TMEM117: variants seen among roughly 807,000 people sequenced by gnomAD.
The protein encoded by TMEM117 is transmembrane protein 117.
In TMEM117, 27 loss-of-function variants were observed where a neutral mutation model predicts 52.4. That is an observed-to-expected ratio of 0.51 (90% confidence interval 0.38 to 0.71). TMEM117 has a LOEUF of 0.71. TMEM117 is among the 30% of genes least tolerant of loss of function. The probability of loss-of-function intolerance (pLI) is 0.00; values close to 1 mark genes in which losing one functional copy is unlikely to be tolerated. For synonymous variants in TMEM117, 215 were observed against 206.3 expected, an observed-to-expected ratio of 1.04 and a Z score of -0.36; for missense variants, 556 against 630.5, an observed-to-expected ratio of 0.88 and a Z score of 1.26.
chr12:43,897,292 A>G (rs979693875), intron 2 of TMEM117, among the ~76,000 whole-genome samples: 1 of 143,750 alleles, frequency 7.0e-6, no homozygotes, highest in African/African-American at 2.6e-5. Context: ...TTCCATCTAT[A>G]CTTTCCTTTT....
At chr12:43,820,883 C>T in the TMEM117 span, among the ~76,000 whole-genome samples, 1 of 151,774 alleles carries the variant, frequency 6.6e-6, no homozygotes, top group East Asian at 2.0e-4. Context: ...AGGCGGATCA[C>T]GAGGTCAGGA....
At chr12:44,165,003 C>T (rs773285882) in intron 4 of TMEM117, among the ~76,000 whole-genome samples, 1 of 151,998 alleles carries the variant, frequency 6.6e-6, no homozygotes, top group Non-Finnish European at 1.5e-5. Flanking sequence ...TTCTGTGAAA[C>T]ACTAGAACTT....
At chr12:44,385,806 T>A (rs1441143837) in intron 7 of TMEM117, among the ~76,000 whole-genome samples, 1 of 152,144 alleles carries the variant, frequency 6.6e-6, no homozygotes, top group African/African-American at 2.4e-5. Context: ...TCCTTAATAC[T>A]GGATAAGAAT....
intron 1 of TMEM117, among the ~76,000 whole-genome samples, chr12:43,842,583 G>A (rs1472675711): frequency 1.3e-5 from 2 of 152,112 alleles, no homozygotes; most frequent in African/African-American, 2.4e-5. Flanking sequence ...GAGCCTTGGA[G>A]GCTATCTCAG....
the TMEM117 span, among the ~76,000 whole-genome samples, chr12:43,825,673 A>G: frequency 6.6e-6 from 1 of 152,158 alleles, no homozygotes. Flanking sequence ...GAGCAGTAAC[A>G]TGAATAATTC....
At chr12:43,968,404 G>A (rs1258035987) in intron 3 of TMEM117, among the ~76,000 whole-genome samples, 1 of 152,166 alleles carries the variant, frequency 6.6e-6, no homozygotes, top group Non-Finnish European at 1.5e-5. Context: ...TTGCATATTT[G>A]ACTTTTTCAA....
At chr12:44,012,726 C>T (rs369040780) in intron 3 of TMEM117, among the ~76,000 whole-genome samples, 6 of 152,058 alleles carry the variant, frequency 3.9e-5, no homozygotes, top group Non-Finnish European at 5.9e-5. Flanking sequence ...TTATTTTTTT[C>T]GATAAAAGCC....
intron 3 of TMEM117, among the ~76,000 whole-genome samples, chr12:44,079,126 G>A (rs535992542): frequency 6.6e-6 from 1 of 152,058 alleles, no homozygotes; most frequent in South Asian, 2.1e-4. Context: ...ATGGACATTT[G>A]GGTTGGTTTC....
Position 43,885,118 on chromosome 12 carries a change from A to G in TMEM117, c.277+40190A>G, listed in dbSNP as rs891044948. Reference sequence around the variant, plus strand: ...CCGAGACACCTATCCCATCCCATTTATGAAAGTGAGGCAGCAAGCCAATAA... The same window carrying G: ...CCGAGACACCTATCCCATCCCATTTGTGAAAGTGAGGCAGCAAGCCAATAA... On this transcript the variant is annotated intron_variant, in intron 2 of 7. Coordinates refer to ENST00000266534, the MANE Select transcript of TMEM117 (RefSeq NM_032256.3). Among the ~76,000 whole-genome samples the G allele has an allele frequency of 2.0e-5, 3 of 152,176 alleles. No individual in the cohort carries two copies. In the East Asian group the frequency reaches 5.8e-4, roughly 29 times the overall value.
At chr12:44,313,968 T>C (rs1333956629) in intron 6 of TMEM117, among the ~76,000 whole-genome samples, 1 of 152,224 alleles carries the variant, frequency 6.6e-6, no homozygotes, top group Non-Finnish European at 1.5e-5. Flanking sequence ...CCTGAAACTT[T>C]ACTAAAGTTG....
At chr12:43,965,550 A>G (rs912985112) in intron 3 of TMEM117, among the ~76,000 whole-genome samples, 3 of 152,030 alleles carry the variant, frequency 2.0e-5, no homozygotes, top group South Asian at 4.1e-4. Context: ...GCTTGCTCAT[A>G]TTTTTCTGTA....
chr12:44,018,398 A>G (rs1946404457), intron 3 of TMEM117, among the ~76,000 whole-genome samples: 1 of 152,204 alleles, frequency 6.6e-6, no homozygotes, highest in Non-Finnish European at 1.5e-5. Flanking sequence ...CTGAATTTGC[A>G]AGTGTTCTAA....
At chr12:44,271,854 T>A (rs1011505342) in intron 5 of TMEM117, among the ~76,000 whole-genome samples, 1 of 152,026 alleles carries the variant, frequency 6.6e-6, no homozygotes, top group Non-Finnish European at 1.5e-5. Context: ...GGGGTTAATA[T>A]ATGAAATATA....
chr12:44,070,893 C>T (rs1565815524), intron 3 of TMEM117, among the ~76,000 whole-genome samples: 1 of 152,136 alleles, frequency 6.6e-6, no homozygotes, highest in Admixed American at 6.6e-5. Flanking sequence ...AGCTGAGCTT[C>T]CGCAGGCAAT....
chr12:43,858,993 CGAA>C (rs1355205444), intron 2 of TMEM117, among the ~76,000 whole-genome samples: 1 of 152,022 alleles, frequency 6.6e-6, no homozygotes, highest in East Asian at 1.9e-4. Flanking sequence ...GAAGTCAAAC[CGAA>C]GAGAAATCAT....
At chr12:43,890,152 C>CA (rs1475826610) in intron 2 of TMEM117, among the ~76,000 whole-genome samples, 1 of 152,102 alleles carries the variant, frequency 6.6e-6, no homozygotes, top group Non-Finnish European at 1.5e-5. Flanking sequence ...ATATGTAACT[C>CA]ATAAAAAGGA....
intron 6 of TMEM117, among the ~76,000 whole-genome samples, chr12:44,352,376 T>C (rs1322955043): frequency 6.6e-6 from 1 of 152,128 alleles, no homozygotes; most frequent in African/African-American, 2.4e-5. Flanking sequence ...ACCTGTGCCA[T>C]GTTGGTGTGC....
chr12:44,115,990 A>G (rs1227650538), intron 3 of TMEM117, among the ~76,000 whole-genome samples: 2 of 152,184 alleles, frequency 1.3e-5, no homozygotes, highest in African/African-American at 2.4e-5. Flanking sequence ...ATTAAAATAA[A>G]TGGCTACAGT....
At chr12:44,147,362 G>A (rs999320050) in intron 4 of TMEM117, among the ~76,000 whole-genome samples, 1 of 152,120 alleles carries the variant, frequency 6.6e-6, no homozygotes, top group Admixed American at 6.5e-5. Flanking sequence ...TGCCATTGCT[G>A]CTTCAGCTTC....
Sources: allele counts gnomAD v4.1 joint callset (sites outside exome capture counted in the v4.1 genomes callset), GRCh38; gene constraint gnomAD v4.1.1; transcripts MANE v1.5; gene names NCBI Gene and HGNC (gene_info 2026-07-23, HGNC 2026-07-21).